Variants in FGF14 observed in about 807,000 individuals in gnomAD.
FGF14 encodes the protein fibroblast growth factor homologous factor 4.
Under a neutral mutation model 25.5 loss-of-function variants are expected in FGF14, and 5 were observed. The ratio of observed to expected loss-of-function variants is 0.20; its 90% CI spans 0.10 to 0.41. The LOEUF is 0.41. FGF14 is among the 10% of genes least tolerant of loss of function. The probability of loss-of-function intolerance (pLI) is 1.00; values close to 1 mark genes in which losing one functional copy is unlikely to be tolerated. For missense variants in FGF14, 222 were observed against 320.1 expected (o/e 0.69, Z 2.34); for synonymous variants, 138 against 118.3 (o/e 1.17, Z -1.08).
chr13:102,092,499 C>G (rs1024100745), intron 1 of FGF14, among the ~76,000 whole-genome samples: 3 of 152,144 alleles, frequency 2.0e-5, no homozygotes, highest in African/African-American at 7.2e-5. Context: ...TCCCATGGGT[C>G]TTCCACACTG....
intron 3 of FGF14, among the ~76,000 whole-genome samples, chr13:101,773,977 T>A (rs936960011): frequency 6.6e-6 from 1 of 151,458 alleles, no homozygotes; most frequent in Non-Finnish European, 1.5e-5. Context: ...ACTTGTTAAA[T>A]CAATTATTAA....
intron 3 of FGF14, among the ~76,000 whole-genome samples, chr13:101,737,804 A>G (rs2036287885): frequency 6.6e-6 from 1 of 152,104 alleles, no homozygotes. Context: ...TTCTCTTTCA[A>G]CCACATTTTA....
At chr13:101,979,165 T>A (rs2038104254) in intron 1 of FGF14, among the ~76,000 whole-genome samples, 1 of 152,194 alleles carries the variant, frequency 6.6e-6, no homozygotes. Flanking sequence ...TTCAGCAAGA[T>A]GCTGCACTGT....
At chr13:101,802,382 GA>G in intron 3 of FGF14, 42 of 207,054 alleles carry the variant, frequency 2.0e-4, no homozygotes, top group South Asian at 3.3e-4. Flanking sequence ...AAGTTGCCTG[GA>G]AAAAGGTGGA....
intron 3 of FGF14, among the ~76,000 whole-genome samples, chr13:101,777,251 T>C (rs2039179972): frequency 6.6e-6 from 1 of 152,184 alleles, no homozygotes; most frequent in Admixed American, 6.6e-5. Flanking sequence ...TACCATTGTT[T>C]TGTAGCCCCT....
At chr13:101,757,782 C>T (rs866247613) in intron 3 of FGF14, among the ~76,000 whole-genome samples, 46 of 152,112 alleles carry the variant, frequency 3.0e-4, no homozygotes, top group African/African-American at 1.1e-3. Context: ...TGAAGAGATA[C>T]AGATTATTGT....
chr13:102,063,140 A>T (rs913842010), intron 1 of FGF14, among the ~76,000 whole-genome samples: 2 of 152,192 alleles, frequency 1.3e-5, no homozygotes, highest in African/African-American at 4.8e-5. Flanking sequence ...TATTCACATA[A>T]TATTATTAAT....
intron 1 of FGF14, among the ~76,000 whole-genome samples, chr13:102,180,580 T>C (rs1450173085): frequency 6.6e-6 from 1 of 152,116 alleles, no homozygotes; most frequent in African/African-American, 2.4e-5. Context: ...CCAAAGTGCC[T>C]GGATTACAGG....
chr13:102,128,046 C>G (rs1242874109), intron 1 of FGF14, among the ~76,000 whole-genome samples: 2 of 151,078 alleles, frequency 1.3e-5, no homozygotes, highest in East Asian at 4.1e-4. Context: ...CCAGCTCTCA[C>G]AGAGAGGCAG....
At chr13:101,891,692 A>G (rs2029861939) in intron 1 of FGF14, among the ~76,000 whole-genome samples, 1 of 152,128 alleles carries the variant, frequency 6.6e-6, no homozygotes, top group African/African-American at 2.4e-5. Flanking sequence ...ATATATACAT[A>G]CATACATATA....
At chr13:101,887,186 C>T (rs1446151862) in intron 1 of FGF14, among the ~76,000 whole-genome samples, 2 of 151,972 alleles carry the variant, frequency 1.3e-5, no homozygotes, top group Admixed American at 6.6e-5. Flanking sequence ...AGCAATCCCA[C>T]TGCTGGGTAT....
intron 1 of FGF14, among the ~76,000 whole-genome samples, chr13:102,004,046 T>C (rs542001709): frequency 7.9e-5 from 12 of 152,308 alleles, no homozygotes; most frequent in African/African-American, 2.6e-4. Context: ...GCCAAGTTGA[T>C]TCAAGTGCTG....
At chr13:102,367,931 C>T (rs1196395542) in intron 1 of FGF14, 2 of 152,176 alleles carry the variant, frequency 1.3e-5, no homozygotes, top group Non-Finnish European at 2.9e-5. Flanking sequence ...TGCCTAAGTT[C>T]CGGGCTGAGG....
At chr13:102,147,327 G>A (rs1043511407) in intron 1 of FGF14, among the ~76,000 whole-genome samples, 2 of 152,178 alleles carry the variant, frequency 1.3e-5, no homozygotes, top group African/African-American at 4.8e-5. Flanking sequence ...GACCAGGTAA[G>A]ATTCATGGGC....
intron 3 of FGF14, among the ~76,000 whole-genome samples, chr13:101,839,312 T>C (rs1421520748): frequency 6.6e-6 from 1 of 152,034 alleles, no homozygotes; most frequent in East Asian, 1.9e-4. Flanking sequence ...TTTATAGACA[T>C]ACAAATGTGA....
In FGF14 at chr13:101,717,552, C is replaced by T. The variant is rs1056344174; in HGVS notation, c.*5279G>A. The T allele has an allele frequency of 1.3e-5, 2 of 152,142 alleles. No homozygotes were observed. Among genetic ancestry groups the T allele is most frequent in the Admixed American group, 1.3e-4 (2 of 15,260 alleles). 9.4% of individuals were successfully genotyped at this position (152,142 alleles called of 1,614,324 possible). A position where few individuals can be genotyped will look rare whatever the true frequency, so the allele number is the denominator to read the frequency against. On this transcript the variant is annotated 3_prime_UTR_variant, in exon 5 of 5. Transcript: ENST00000376143. ...CAGACATTGGAATTCATTACATTATCTAGCCATCGTAATACAAATGACCTT... is the reference window on the plus strand; with the variant it reads ...CAGACATTGGAATTCATTACATTATTTAGCCATCGTAATACAAATGACCTT...
intron 1 of FGF14, among the ~76,000 whole-genome samples, chr13:102,203,302 G>C (rs917138774): frequency 5.3e-5 from 8 of 152,150 alleles, no homozygotes; most frequent in African/African-American, 1.9e-4. Flanking sequence ...TAAATACATA[G>C]TCATAAATCT....
At chr13:102,371,816 A>G (rs1018634460) in intron 1 of FGF14, among the ~76,000 whole-genome samples, 29 of 152,222 alleles carry the variant, frequency 1.9e-4, no homozygotes, top group Admixed American at 1.8e-3. Context: ...ACACTAACAT[A>G]TATGTAAAAT....
intron 3 of FGF14, chr13:101,868,259 C>T (rs974461217): frequency 1.1e-5 from 2 of 182,894 alleles, no homozygotes; most frequent in African/African-American, 2.4e-5. Context: ...AATATTACCA[C>T]AAAACACAGA....
Sources: gnomAD v4.1 joint callset for allele counts (sites outside exome capture counted in the v4.1 genomes callset) on GRCh38, gnomAD v4.1.1 for gene constraint, MANE v1.5 for transcripts, NCBI Gene and HGNC (gene_info 2026-07-23, HGNC 2026-07-21) for gene names.